Variants in PHKB observed in about 807,000 individuals in gnomAD.
PHKB encodes phosphorylase b kinase regulatory subunit beta.
In PHKB, 122 loss-of-function variants were observed where a neutral mutation model predicts 152.1. The ratio of observed to expected loss-of-function variants is 0.80; its 90% CI spans 0.69 to 0.93. The LOEUF (loss-of-function observed/expected upper bound fraction) is 0.93, where lower values mean the gene tolerates loss of function less well. Among genes scored for constraint, PHKB ranks in the 40% least tolerant of loss-of-function variants. PHKB has a pLI of 0.00. For missense variants in PHKB, 1,304 were observed against 1,328.4 expected, an observed-to-expected ratio of 0.98 and a Z score of 0.29; for synonymous variants, 436 against 464.9, an observed-to-expected ratio of 0.94 and a Z score of 0.80.
At chr16:47,505,594 C>G (rs889850985) in intron 4 of PHKB, 1 of 152,202 alleles carries the variant, frequency 6.6e-6, no homozygotes, top group Non-Finnish European at 1.5e-5. Flanking sequence ...GTAGTATTCC[C>G]TTTCCCTTCT....
intron 13 of PHKB, 136 bp downstream of exon 13, chr16:47,596,667 T>A (rs1291832417): frequency 1.8e-5 from 13 of 729,178 alleles, no homozygotes; most frequent in Non-Finnish European, 4.7e-6. Context: ...AGTTTCCTAG[T>A]ATCTAGTGGT....
intron 6 of PHKB, among the ~76,000 whole-genome samples, chr16:47,534,093 G>A (rs1322073328): frequency 6.6e-6 from 1 of 152,232 alleles, no homozygotes; most frequent in African/African-American, 2.4e-5. Context: ...GCTCGGAAGG[G>A]GTGGGACTCC....
intron 14 of PHKB, among the ~76,000 whole-genome samples, chr16:47,618,534 T>A (rs1972561047): frequency 6.6e-6 from 1 of 152,194 alleles, no homozygotes; most frequent in Non-Finnish European, 1.5e-5. Context: ...TACTAAATAA[T>A]TATGATGTCC....
chr16:47,622,398 T>A (rs1972632543), intron 14 of PHKB, among the ~76,000 whole-genome samples: 1 of 152,182 alleles, frequency 6.6e-6, no homozygotes, highest in African/African-American at 2.4e-5. Flanking sequence ...AAACAAAGGA[T>A]TGGGCTTTGG....
At chr16:47,686,257 T>A (rs924159345) in intron 26 of PHKB, among the ~76,000 whole-genome samples, 1 of 152,230 alleles carries the variant, frequency 6.6e-6, no homozygotes, top group African/African-American at 2.4e-5. Context: ...TGATAAACTA[T>A]GTTTAGTTTT....
rs1973423482 is a variant in PHKB, at chr16:47,660,579, T to C, written c.2033+12T>C. On this transcript the variant is annotated intron_variant, in intron 21 of 30. Coordinates refer to ENST00000323584, the MANE Select transcript of PHKB (RefSeq NM_000293.3). ...AGTGACACAGAAGAGTAAGTCCCTT[T>C]GGGTTATTTCATTTTTGGGTTTTTT... is the stretch of plus-strand genomic sequence containing the variant. 1 of 1,612,642 alleles carries C rather than the reference T, an allele frequency of 6.2e-7. No individual in the cohort carries two copies. Among genetic ancestry groups the C allele is most frequent in the South Asian group, 1.1e-5 (1 of 91,072 alleles).
intron 13 of PHKB, among the ~76,000 whole-genome samples, chr16:47,609,441 G>C (rs758752736): frequency 1.1e-5 from 1 of 90,882 alleles, no homozygotes; most frequent in Non-Finnish European, 2.0e-5. Context: ...TTTTGTGGGT[G>C]GGGGGGGGGC....
intron 1 of PHKB, among the ~76,000 whole-genome samples, chr16:47,466,004 C>T (rs911211184): frequency 6.6e-6 from 1 of 152,104 alleles, no homozygotes; most frequent in African/African-American, 2.4e-5. Context: ...TTCAATGTAC[C>T]TGCATTGTTT....
chr16:47,556,295 T>C (rs1226283564), intron 7 of PHKB, among the ~76,000 whole-genome samples: 1 of 152,194 alleles, frequency 6.6e-6, no homozygotes, highest in Non-Finnish European at 1.5e-5. Flanking sequence ...GCCAGAACTT[T>C]TAACACTATG....
At chr16:47,631,642 C>T (rs1355835734) in intron 14 of PHKB, among the ~76,000 whole-genome samples, 3 of 152,134 alleles carry the variant, frequency 2.0e-5, no homozygotes, top group Non-Finnish European at 2.9e-5. Context: ...TCCCACCCTC[C>T]GACAGGCCCC....
chr16:47,680,270 T>A (rs146264222), intron 26 of PHKB, among the ~76,000 whole-genome samples: 206 of 152,130 alleles, frequency 1.4e-3, no homozygotes, highest in African/African-American at 4.5e-3. Flanking sequence ...GTATCAGGAT[T>A]ATGCTGGCCT....
chr16:47,525,062 T>C (rs1970744136), intron 6 of PHKB, among the ~76,000 whole-genome samples: 1 of 152,226 alleles, frequency 6.6e-6, no homozygotes, highest in African/African-American at 2.4e-5. Context: ...AGGCAAAGTT[T>C]GTGAATTTTC....
intron 26 of PHKB, among the ~76,000 whole-genome samples, chr16:47,684,793 G>A (rs1412095248): frequency 2.0e-5 from 3 of 151,906 alleles, no homozygotes; most frequent in African/African-American, 7.2e-5. Context: ...AAAAAAGAGT[G>A]TTTTTAAAAG....
At chr16:47,590,856 A>G (rs1179870396) in intron 10 of PHKB, 1 of 152,150 alleles carries the variant, frequency 6.6e-6, no homozygotes, top group East Asian at 1.9e-4. Context: ...CTCCCCATGA[A>G]AGCTTTTCCA....
chr16:47,495,111 C>G (rs557246828), intron 1 of PHKB, among the ~76,000 whole-genome samples: 1 of 150,910 alleles, frequency 6.6e-6, no homozygotes, highest in Non-Finnish European at 1.5e-5. Flanking sequence ...TCTATTTTTC[C>G]TCTTACTGAA....
intron 8 of PHKB, among the ~76,000 whole-genome samples, chr16:47,585,701 G>A (rs1971923458): frequency 6.6e-6 from 1 of 152,080 alleles, no homozygotes; most frequent in Non-Finnish European, 1.5e-5. Flanking sequence ...TTTTCCCTTT[G>A]GGCATATTTC....
At chr16:47,469,051 T>G (rs550219504) in intron 1 of PHKB, among the ~76,000 whole-genome samples, 7 of 152,288 alleles carry the variant, frequency 4.6e-5, no homozygotes, top group Admixed American at 1.3e-4. Context: ...ATTAGGTAAT[T>G]TTTCCCCCTT....
chr16:47,616,380 T>G (rs1972514194), intron 14 of PHKB, among the ~76,000 whole-genome samples: 1 of 151,054 alleles, frequency 6.6e-6, no homozygotes, highest in African/African-American at 2.4e-5. Context: ...AGCTTCATTC[T>G]TTGTATGTGG....
At chr16:47,634,413 T>C (rs1468615623) in intron 14 of PHKB, among the ~76,000 whole-genome samples, 1 of 152,168 alleles carries the variant, frequency 6.6e-6, no homozygotes, top group Non-Finnish European at 1.5e-5. Context: ...GTTCCATGTG[T>C]GGGGAGGTGG....
Sources: gnomAD v4.1 joint callset for allele counts (sites outside exome capture counted in the v4.1 genomes callset) on GRCh38, gnomAD v4.1.1 for gene constraint, MANE v1.5 for transcripts, NCBI Gene and HGNC (gene_info 2026-07-23, HGNC 2026-07-21) for gene names.